The following UBE2QL1 variants were observed in gnomAD, a reference collection of about 807,000 sequenced individuals.
The protein encoded by UBE2QL1 is ubiquitin conjugating enzyme E2 QL1.
Under a neutral mutation model 12.6 loss-of-function variants are expected in UBE2QL1, and 5 were observed. The observed-to-expected ratio is 0.40, with a 90% CI of 0.21 to 0.83. The LOEUF (loss-of-function observed/expected upper bound fraction) is 0.83, where lower values mean the gene tolerates loss of function less well. UBE2QL1 is among the 40% of genes least tolerant of loss of function. UBE2QL1 has a pLI of 0.37. For synonymous variants in UBE2QL1, 96 were observed against 94.5 expected (o/e 1.02, Z -0.10); for missense variants, 99 against 222.6 (o/e 0.44, Z 3.53).
rs190040043 is a variant in UBE2QL1, at chr5:6,455,924, C to A, written c.354+6677C>A. On this transcript the variant is annotated intron_variant, in intron 1 of 1. Coordinates refer to ENST00000399816, the MANE Select transcript of UBE2QL1 (RefSeq NM_001145161.3). ...GCCATCCTAAAGCCAGCCTTCCTCC[C>A]TGGACTGCTTATGTAGACTACGAGG... 1.2e-3 allele frequency among the ~76,000 whole-genome samples: 176 copies of A among 152,322 alleles called. No individual in the cohort carries two copies. In the Middle Eastern group the frequency reaches 0.02, roughly 18 times the overall value.
chr5:6,468,811 G>GT (rs1484666377), intron 1 of UBE2QL1, among the ~76,000 whole-genome samples: 2 of 152,214 alleles, frequency 1.3e-5, no homozygotes, highest in Non-Finnish European at 2.9e-5. Flanking sequence ...CAGAGTGCTT[G>GT]TTTGGGGGAT....
intron 1 of UBE2QL1, among the ~76,000 whole-genome samples, chr5:6,467,204 C>A (rs1459851966): frequency 6.6e-6 from 1 of 152,128 alleles, no homozygotes; most frequent in East Asian, 1.9e-4. Flanking sequence ...CCCTCTCCTC[C>A]CCTTTCCTCC....
chr5:6,456,851 GC>G (rs1739537180), intron 1 of UBE2QL1, among the ~76,000 whole-genome samples: 10 of 152,214 alleles, frequency 6.6e-5, no homozygotes, highest in Middle Eastern at 3.4e-3. Flanking sequence ...AGAAGAAGCT[GC>G]CCGACCTTGC....
chr5:6,495,447 G>C lies in UBE2QL1; in HGVS notation c.*4098G>C, dbSNP rs1182479366. Among the ~76,000 whole-genome samples the C allele has an allele frequency of 6.6e-6, 1 of 152,198 alleles. No individual in the cohort carries two copies. The highest frequency in any genetic ancestry group is 1.5e-5 in the Non-Finnish European group (1 of 68,030). On this transcript the variant is annotated 3_prime_UTR_variant, in exon 2 of 2. Coordinates refer to ENST00000399816, the MANE Select transcript of UBE2QL1 (RefSeq NM_001145161.3). Reference sequence around the variant, plus strand: ...ACACCCTCTGCAGTGAAGGAGGCGAGCCCAGAGACTTTGAGGGGCTTGTCC... The same window carrying C: ...ACACCCTCTGCAGTGAAGGAGGCGACCCCAGAGACTTTGAGGGGCTTGTCC...
At chr5:6,464,364 T>C (rs1297571064) in intron 1 of UBE2QL1, among the ~76,000 whole-genome samples, 1 of 152,204 alleles carries the variant, frequency 6.6e-6, no homozygotes, top group Non-Finnish European at 1.5e-5. Context: ...AAATTCAAGA[T>C]GACAAGATGT....
chr5:6,486,768 T>C (rs1734475780), intron 1 of UBE2QL1, among the ~76,000 whole-genome samples: 1 of 152,204 alleles, frequency 6.6e-6, no homozygotes, highest in Non-Finnish European at 1.5e-5. Flanking sequence ...CCAGTTGTTC[T>C]CAATCAGGAG....
rs528937967 is a variant in UBE2QL1, at chr5:6,492,246, C to A, written c.*897C>A. 1.3e-5 allele frequency: 2 copies of A among 152,350 alleles called. No homozygotes were observed. The highest frequency in any genetic ancestry group is 4.8e-5 in the African/African-American group (2 of 41,576). 9.4% of individuals were successfully genotyped at this position (152,350 alleles called of 1,614,324 possible). On this transcript the variant is annotated 3_prime_UTR_variant, in exon 2 of 2. Coordinates refer to ENST00000399816, the MANE Select transcript of UBE2QL1 (RefSeq NM_001145161.3). ...AAGATGATTTCCCATTCACTGCAGT[C>A]ATCTGACTCATTTTAATATCTGTGC...
intron 1 of UBE2QL1, among the ~76,000 whole-genome samples, chr5:6,459,452 GAGTCCC>G (rs1222251634): frequency 1.3e-5 from 2 of 152,106 alleles, no homozygotes; most frequent in African/African-American, 4.8e-5. Flanking sequence ...CCAACCACAG[GAGTCCC>G]TTCCTGCTGC....
intron 1 of UBE2QL1, among the ~76,000 whole-genome samples, chr5:6,484,423 C>T (rs529377328): frequency 6.6e-6 from 1 of 152,306 alleles, no homozygotes; most frequent in South Asian, 2.1e-4. Flanking sequence ...CACACGCATG[C>T]TCTTCTGCGG....
intron 1 of UBE2QL1, among the ~76,000 whole-genome samples, chr5:6,485,735 A>G (rs1011830476): frequency 9.9e-5 from 15 of 152,230 alleles, no homozygotes; most frequent in Non-Finnish European, 1.0e-4. Context: ...TTTAGAGGGC[A>G]AAAGTCTGTA....
chr5:6,485,886 G>A (rs1165242387), intron 1 of UBE2QL1, among the ~76,000 whole-genome samples: 1 of 152,190 alleles, frequency 6.6e-6, no homozygotes, highest in East Asian at 1.9e-4. Context: ...AAAAGGCTAA[G>A]AAATTAGCTA....
At position 6,492,074 on chromosome 5, in the gene UBE2QL1, C is replaced by G. The variant is rs921547294; in HGVS notation, c.*725C>G. 2 of 152,232 alleles carry G rather than the reference C, an allele frequency of 1.3e-5. No homozygotes were observed. Among genetic ancestry groups the G allele is most frequent in the Non-Finnish European group, 2.9e-5 (2 of 68,050 alleles). 9.4% of individuals were successfully genotyped at this position (152,232 alleles called of 1,614,324 possible). A position where few individuals can be genotyped will look rare whatever the true frequency, so the allele number is the denominator to read the frequency against. ...GAAGGCAGAGGATACTGCGACCACC[C>G]CTGGCAGACGGTGGCGTAGACACCA... On this transcript the variant is annotated 3_prime_UTR_variant, in exon 2 of 2. Coordinates refer to ENST00000399816, the MANE Select transcript of UBE2QL1 (RefSeq NM_001145161.3).
chr5:6,463,673 G>A (rs1412887467), intron 1 of UBE2QL1, among the ~76,000 whole-genome samples: 1 of 149,942 alleles, frequency 6.7e-6, no homozygotes, highest in African/African-American at 2.4e-5. Flanking sequence ...TGTCGCCCAG[G>A]CTGGAGTGCA....
chr5:6,464,500 G>T (rs961744662), intron 1 of UBE2QL1, among the ~76,000 whole-genome samples: 1 of 152,210 alleles, frequency 6.6e-6, no homozygotes, highest in African/African-American at 2.4e-5. Context: ...AGAAGTAGCT[G>T]ATTTCCCTGC....
Position 6,470,140 on chromosome 5 carries a change from G to A in UBE2QL1, c.354+20893G>A, listed in dbSNP as rs1251853101. Among the ~76,000 whole-genome samples the A allele has an allele frequency of 3.9e-5, 6 of 152,188 alleles. No homozygotes were observed. In the South Asian group the frequency reaches 1.2e-3, roughly 32 times the overall value. ...GAGCAGAACATGGTGTGATGACTTTGACCTCTAAATGAAGGATGGACCCCT... is the reference window on the plus strand; with the variant it reads ...GAGCAGAACATGGTGTGATGACTTTAACCTCTAAATGAAGGATGGACCCCT... On this transcript the variant is annotated intron_variant, in intron 1 of 1. Coordinates refer to ENST00000399816, the MANE Select transcript of UBE2QL1 (RefSeq NM_001145161.3).
Position 6,479,268 on chromosome 5 carries a change from CAAG to C in UBE2QL1, c.355-11943_355-11941del, listed in dbSNP as rs1485890958. On this transcript the variant is annotated intron_variant, in intron 1 of 1. Transcript: ENST00000399816. This position sits in a 1 kb window ranked among gnomAD's most constrained non-coding sequence, Gnocchi z 4.2. The stretch of plus-strand genomic sequence containing the variant: ...TTCTCTTCCTGTTCAGTATGTGTTC[CAAG>C]AAGAAGGAAAAACATGGAACGCTGA... 1.3e-5 allele frequency among the ~76,000 whole-genome samples: 2 copies of C among 151,618 alleles called. No individual in the cohort carries two copies. The highest frequency in any genetic ancestry group is 6.6e-5 in the Admixed American group (1 of 15,212).
chr5:6,480,536 C>G (rs1051616880), intron 1 of UBE2QL1, among the ~76,000 whole-genome samples: 5 of 152,126 alleles, frequency 3.3e-5, no homozygotes, highest in Admixed American at 3.3e-4. Context: ...GTGGGATCTC[C>G]AAAAAATAAC....
At chr5:6,485,575 G>A (rs1579302221) in intron 1 of UBE2QL1, among the ~76,000 whole-genome samples, 1 of 152,178 alleles carries the variant, frequency 6.6e-6, no homozygotes, top group Non-Finnish European at 1.5e-5. Flanking sequence ...TACAACCCAT[G>A]TCAGGGAGCT....
chr5:6,485,979 T>C (rs911910060), intron 1 of UBE2QL1, among the ~76,000 whole-genome samples: 4 of 152,186 alleles, frequency 2.6e-5, no homozygotes, highest in African/African-American at 7.2e-5. Context: ...GACAGAAATA[T>C]GGTGTATTCT....
Sources: gnomAD v4.1 joint callset for allele counts (sites outside exome capture counted in the v4.1 genomes callset) on GRCh38, gnomAD v4.1.1 for gene constraint, Gnocchi (gnomAD v3.1) non-coding constraint, MANE v1.5 for transcripts, NCBI Gene and HGNC (gene_info 2026-07-23, HGNC 2026-07-21) for gene names.